The following ALG14 variants were observed in gnomAD, a reference collection of about 807,000 sequenced individuals.
The protein encoded by ALG14 is UDP-N-acetylglucosamine transferase subunit ALG14.
A neutral mutation model predicts 22.8 loss-of-function variants in ALG14; 17 were observed. That is an observed-to-expected ratio of 0.75 (90% CI 0.51 to 1.12). The LOEUF (loss-of-function observed/expected upper bound fraction) is 1.12. Ranked by LOEUF, ALG14 falls within the 50% of genes most tolerant of loss-of-function variation. The pLI, the probability that ALG14 is intolerant of heterozygous loss-of-function variation, is 0.00. For synonymous variants in ALG14, 89 were observed against 103.7 expected, an observed-to-expected ratio of 0.86 and a Z score of 0.86; for missense variants, 288 against 271.8, an observed-to-expected ratio of 1.06 and a Z score of -0.42.
chr1:95,014,984 C>T (rs1246039604), intron 3 of ALG14, among the ~76,000 whole-genome samples: 3 of 152,142 alleles, frequency 2.0e-5, no homozygotes, highest in African/African-American at 4.8e-5. Flanking sequence ...CTGAAGAGAG[C>T]GCTATACAGT....
chr1:94,997,846 C>T (rs1672949100), intron 3 of ALG14, among the ~76,000 whole-genome samples: 1 of 152,128 alleles, frequency 6.6e-6, no homozygotes, highest in Non-Finnish European at 1.5e-5. Flanking sequence ...GGAGGAGAAT[C>T]TTTGTGGCAT....
At chr1:95,019,690 C>T (rs866659088) in intron 3 of ALG14, among the ~76,000 whole-genome samples, 5 of 152,062 alleles carry the variant, frequency 3.3e-5, no homozygotes, top group Non-Finnish European at 4.4e-5. Context: ...GGTAAAGAAG[C>T]GATAACCTGG....
rs35131311 is a variant in ALG14 at position 95,055,828 on chromosome 1, TAAAAAAAAA to T, written c.288+9029_288+9037del. On this transcript the variant is annotated intron_variant, in intron 2 of 3. Coordinates refer to ENST00000370205, the MANE Select transcript of ALG14 (RefSeq NM_144988.4). ...TAACATGGTGAAATCCCGTCTCTAC[TAAAAAAAAA>T]AAAAAAAAAAAAAAAAAAAAAAATT... 2.5e-3 allele frequency among the ~76,000 whole-genome samples: 81 copies of T among 33,054 alleles called. 1 individual carries two copies. The highest frequency in any genetic ancestry group is 8.6e-3 in the African/African-American group (72 of 8,392). 21.7% of individuals were successfully genotyped at this position (33,054 alleles called of 152,430 possible). A position where few individuals can be genotyped will look rare whatever the true frequency, so the allele number is the denominator to read the frequency against.
chr1:95,041,646 A>AAAAG (rs980427097), intron 2 of ALG14: 4 of 152,122 alleles, frequency 2.6e-5, no homozygotes, highest in Non-Finnish European at 5.9e-5. Flanking sequence ...GAAAGAAAAA[A>AAAAG]AAAGAAAGGG....
At chr1:95,049,212 T>C (rs1449650030) in intron 2 of ALG14, among the ~76,000 whole-genome samples, 4 of 152,078 alleles carry the variant, frequency 2.6e-5, no homozygotes, top group Admixed American at 6.6e-5. Flanking sequence ...AAGGTTATAA[T>C]TACAAAAAGA....
Position 95,043,773 on chromosome 1 carries a change from C to A in ALG14, c.289-16513G>T, listed in dbSNP as rs752166660. ...AGAAGTAGAAGGAAAGGAGAAGGAGCGAGGAGGGGGAGAGAGGAGAGAGAA... is the reference window on the plus strand; with the variant it reads ...AGAAGTAGAAGGAAAGGAGAAGGAGAGAGGAGGGGGAGAGAGGAGAGAGAA... On this transcript the variant is annotated intron_variant, in intron 2 of 3. Coordinates refer to ENST00000370205, the MANE Select transcript of ALG14 (RefSeq NM_144988.4). 8.2e-5 allele frequency among the ~76,000 whole-genome samples: 12 copies of A among 146,218 alleles called. No individual in the cohort carries two copies. In the Admixed American group the frequency reaches 8.3e-4, roughly 10 times the overall value.
Position 95,058,674 on chromosome 1 carries a change from G to A in ALG14, c.288+6192C>T, listed in dbSNP as rs534564843. Among the ~76,000 whole-genome samples, 5 of 139,934 alleles carry A rather than the reference G, an allele frequency of 3.6e-5. No homozygotes were observed. In the South Asian group the frequency reaches 9.1e-4, roughly 25 times the overall value. 91.8% of individuals were successfully genotyped at this position (139,934 alleles called of 152,430 possible). A position where few individuals can be genotyped will look rare whatever the true frequency, so the allele number is the denominator to read the frequency against. On this transcript the variant is annotated intron_variant, in intron 2 of 3. Coordinates refer to ENST00000370205, the MANE Select transcript of ALG14 (RefSeq NM_144988.4). The stretch of plus-strand genomic sequence containing the variant: ...GCTGAAAAGACTCTGGAAATATACC[G>A]TCCATATAACCTTTCTCAAAAAAAA...
chr1:95,064,505 T>A (rs1468079107), intron 2 of ALG14, among the ~76,000 whole-genome samples: 5 of 152,224 alleles, frequency 3.3e-5, no homozygotes, highest in African/African-American at 1.2e-4. Context: ...TGTTGAATTT[T>A]ATCAAAGGCC....
intron 3 of ALG14, among the ~76,000 whole-genome samples, chr1:94,986,132 T>C (rs1421273778): frequency 6.6e-6 from 1 of 152,230 alleles, no homozygotes; most frequent in African/African-American, 2.4e-5. Flanking sequence ...AACTGTCTTT[T>C]TAATTTTAAA....
intron 2 of ALG14, among the ~76,000 whole-genome samples, chr1:95,043,796 G>T (rs1412215187): frequency 6.6e-6 from 1 of 151,762 alleles, no homozygotes; most frequent in African/African-American, 2.4e-5. Flanking sequence ...AGAGGAGAGA[G>T]AAAGAGAGGG....
chr1:95,043,845 G>A (rs1265132259), intron 2 of ALG14, among the ~76,000 whole-genome samples: 1 of 151,676 alleles, frequency 6.6e-6, no homozygotes. Context: ...AGAAGGAGGG[G>A]AGAGGGAGAA....
In ALG14 at chr1:95,027,264, G is replaced by C. The variant is rs767492224; in HGVS notation, c.289-4C>G. The C allele has an allele frequency of 6.2e-7, 1 of 1,613,906 alleles. No individual in the cohort carries two copies. Among genetic ancestry groups the C allele is most frequent in the Non-Finnish European group, 8.5e-7 (1 of 1,179,874 alleles). On this transcript the variant is annotated splice_region_variant and splice_polypyrimidine_tract_variant and intron_variant, in intron 2 of 3. Coordinates refer to ENST00000370205, the MANE Select transcript of ALG14 (RefSeq NM_144988.4). Reference sequence around the variant, plus strand: ...GGTGAATGTAGTATTTGGTATACTAGAAGGAAACAGATGGAATCCAAATCA... The same window carrying C: ...GGTGAATGTAGTATTTGGTATACTACAAGGAAACAGATGGAATCCAAATCA...
intron 2 of ALG14, among the ~76,000 whole-genome samples, chr1:95,039,807 G>C (rs1674323987): frequency 1.3e-5 from 2 of 152,110 alleles, no homozygotes; most frequent in Non-Finnish European, 2.9e-5. Flanking sequence ...GACTGATGCT[G>C]ACAGGCCCTG....
chr1:95,060,035 AC>A (rs67415587), intron 2 of ALG14, among the ~76,000 whole-genome samples: 111,018 of 151,140 alleles, frequency 0.73, 41,375 homozygotes, highest in African/African-American at 0.78. Flanking sequence ...CAGTAGGGAA[AC>A]CCCCCCAACC....
chr1:95,058,442 C>G (rs1271010803), intron 2 of ALG14, among the ~76,000 whole-genome samples: 1 of 149,954 alleles, frequency 6.7e-6, no homozygotes, highest in Non-Finnish European at 1.5e-5. Flanking sequence ...GGCAAAACCC[C>G]ATCTTTACTA....
chr1:95,033,542 A>G (rs897167554), intron 2 of ALG14, among the ~76,000 whole-genome samples: 1 of 151,658 alleles, frequency 6.6e-6, no homozygotes, highest in African/African-American at 2.4e-5. Flanking sequence ...AGTGACTTAA[A>G]ACTATTATAT....
At chr1:95,070,640 T>G (rs779170604) in intron 1 of ALG14, among the ~76,000 whole-genome samples, 1 of 152,258 alleles carries the variant, frequency 6.6e-6, no homozygotes, top group Non-Finnish European at 1.5e-5. Context: ...CTCTTCTAAC[T>G]GGATATTGAG....
rs747589839 is a variant in ALG14, at chr1:95,065,003, C to T, written c.151G>A (p.Glu51Lys). 1.2e-6 allele frequency: 2 copies of T among 1,612,608 alleles called. No individual in the cohort carries two copies. The highest frequency in any genetic ancestry group is 2.2e-5 in the South Asian group (2 of 90,906). Reference sequence around the variant, plus strand: ...AAGCTCCCAAGCAGCCTCAGGATCTCAGTGGTATGCCCACCTGGAAAAAAT... The same window carrying T: ...AAGCTCCCAAGCAGCCTCAGGATCTTAGTGGTATGCCCACCTGGAAAAAAT... ...VVAGSGGHTTEILRLLGSLSN... is the reference protein window; with the variant it reads ...VVAGSGGHTTKILRLLGSLSN... Residue 51 changes from glutamate (E) to lysine (K), a missense_variant, in exon 2 of 4, where the codon GAG (glutamate) becomes AAG (lysine). Physicochemically the swap from Glu to Lys is moderately conservative, Grantham distance 56. Coordinates refer to ENST00000370205, the MANE Select transcript of ALG14 (RefSeq NM_144988.4).
Position 94,983,194 on chromosome 1 carries a change from A to C in ALG14, c.533T>G (p.Val178Gly), listed in dbSNP as rs766184799. 6 of 1,614,086 alleles carry C rather than the reference A, an allele frequency of 3.7e-6. No homozygotes were observed. In the Admixed American group the frequency reaches 6.7e-5, roughly 18 times the overall value. The change falls in exon 4 of 4, where the codon GTA becomes GGA. Residue 178 changes from valine to glycine, a missense_variant. Physicochemically the swap from Val to Gly is moderately radical, Grantham distance 109 (BLOSUM62 -3). Transcript: ENST00000370205. Reference sequence around the variant, plus strand: ...CTTTCCGGACATGGATAACGTTTCTACACGGCAGATGCTTTCAACGTAGAC... The same window carrying C: ...CTTTCCGGACATGGATAACGTTTCTCCACGGCAGATGCTTTCAACGTAGAC... ...IIVYVESICRVETLSMSGKIL... is the reference protein window; with the variant it reads ...IIVYVESICRGETLSMSGKIL...
Sources: gnomAD v4.1 joint callset for allele counts (sites outside exome capture counted in the v4.1 genomes callset) on GRCh38, gnomAD v4.1.1 for gene constraint, MANE v1.5 for transcripts, NCBI Gene and HGNC (gene_info 2026-07-23, HGNC 2026-07-21) for gene names.